Variants in RIMS1 observed in about 807,000 individuals in gnomAD.
RIMS1 encodes regulating synaptic membrane exocytosis 1.
RIMS1 carries 83 observed loss-of-function variants against 214.1 expected under a neutral mutation model. The ratio of observed to expected loss-of-function variants is 0.39; its 90% confidence interval spans 0.32 to 0.47. RIMS1 has a LOEUF of 0.47. Ranked by LOEUF, RIMS1 falls within the 20% of genes least tolerant of loss-of-function variation. The pLI, the probability that RIMS1 is intolerant of heterozygous loss-of-function variation, is 0.99. For synonymous variants in RIMS1, 793 were observed against 786.8 expected (o/e 1.01, Z -0.13); for missense variants, 2,050 against 2,161.8 (o/e 0.95, Z 1.03).
intron 2 of RIMS1, among the ~76,000 whole-genome samples, chr6:72,043,026 A>T (rs908444268): frequency 2.0e-5 from 3 of 151,834 alleles, no homozygotes; most frequent in African/African-American, 2.4e-5. Flanking sequence ...TATGAAAATG[A>T]ATTCCAACTT....
rs908385235 is a variant in RIMS1 at position 72,116,374 on chromosome 6, A to G, written c.471+16388A>G. On this transcript the variant is annotated intron_variant, in intron 4 of 33. Transcript: ENST00000521978. Reference sequence around the variant, plus strand: ...CTGAGTGGGGGTCAAGGTGTACAAAAACGAGATGAAAGAGAACTAGCTCAA... The same window carrying G: ...CTGAGTGGGGGTCAAGGTGTACAAAGACGAGATGAAAGAGAACTAGCTCAA... Among the ~76,000 whole-genome samples, 10 of 152,096 alleles carry G rather than the reference A, an allele frequency of 6.6e-5. No homozygotes were observed. In the South Asian group the frequency reaches 2.1e-3, roughly 32 times the overall value.
At chr6:72,105,828 C>A (rs9360528) in intron 4 of RIMS1, among the ~76,000 whole-genome samples, 42,199 of 152,012 alleles carry the variant, frequency 0.28, 6,772 homozygotes, top group Admixed American at 0.36. Flanking sequence ...CCCACCAAAC[C>A]TTTTAGTGCC....
intron 1 of RIMS1, among the ~76,000 whole-genome samples, chr6:71,929,748 C>T (rs1049614572): frequency 1.3e-4 from 20 of 151,938 alleles, no homozygotes; most frequent in African/African-American, 3.4e-4. Flanking sequence ...GTTGAGGCCG[C>T]GAAAGATATG....
intron 2 of RIMS1, among the ~76,000 whole-genome samples, chr6:72,056,111 G>T (rs1262420707): frequency 6.6e-6 from 1 of 151,902 alleles, no homozygotes; most frequent in African/African-American, 2.4e-5. Context: ...GCCCTTTGCA[G>T]CAACATGGAT....
At chr6:71,898,970 G>C (rs1772749510) in intron 1 of RIMS1, among the ~76,000 whole-genome samples, 2 of 151,712 alleles carry the variant, frequency 1.3e-5, no homozygotes. Flanking sequence ...GATACTATTT[G>C]TTATAGAAAA....
chr6:72,348,175 A>G (rs984685435), intron 29 of RIMS1, among the ~76,000 whole-genome samples: 3 of 151,914 alleles, frequency 2.0e-5, no homozygotes, highest in African/African-American at 7.2e-5. Context: ...AAATAAAAAC[A>G]TGTTTTTTAA....
intron 1 of RIMS1, among the ~76,000 whole-genome samples, chr6:71,920,486 A>G (rs1262481348): frequency 1.3e-5 from 2 of 149,392 alleles, no homozygotes; most frequent in Admixed American, 1.3e-4. Context: ...AAAAATGACC[A>G]AAAAAAATCC....
chr6:72,216,555 G>T, intron 6 of RIMS1: 6 of 985,470 alleles, frequency 6.1e-6, no homozygotes, highest in Non-Finnish European at 7.2e-6. Flanking sequence ...TCCTCAGTTA[G>T]GGAAACTGCA....
chr6:72,273,702 T>C (rs1273748988), intron 22 of RIMS1, among the ~76,000 whole-genome samples: 1 of 152,222 alleles, frequency 6.6e-6, no homozygotes, highest in Non-Finnish European at 1.5e-5. Context: ...TGTTCTTTGC[T>C]TTTATTTATC....
rs1331501786 is a variant in RIMS1, at chr6:72,248,107, G to A, written c.2221G>A (p.Val741Ile). The A allele has an allele frequency of 6.2e-7, 1 of 1,611,110 alleles. No homozygotes were observed. Among genetic ancestry groups the A allele is most frequent in the African/African-American group, 1.3e-5 (1 of 74,784 alleles). Residue 741 changes from valine (V) to isoleucine (I), a missense_variant, in exon 12 of 34, where the codon GTC (valine) becomes ATC (isoleucine). This residue lies in a region of RIMS1 where 111 missense variants were observed against 166.2 expected (regional missense o/e 0.67). Transcript: ENST00000521978. Reference protein sequence around the residue: ...SPGALKDAPQVLPGQLSVKLW... With the variant: ...SPGALKDAPQILPGQLSVKLW... ...TGGAGCTCTAAAAGATGCCCCACAA[G>A]TCTTACCAGGGCAACTTTCTGTATG...
chr6:72,055,305 T>G (rs1033147622), intron 2 of RIMS1, among the ~76,000 whole-genome samples: 3 of 152,188 alleles, frequency 2.0e-5, no homozygotes, highest in Admixed American at 1.3e-4. Flanking sequence ...TATATATTAT[T>G]ATATTTATTT....
At chr6:72,370,012 G>A (rs2098165686) in intron 29 of RIMS1, among the ~76,000 whole-genome samples, 1 of 152,078 alleles carries the variant, frequency 6.6e-6, no homozygotes, top group Admixed American at 6.5e-5. Flanking sequence ...ATTTTTAAGG[G>A]GCAGAAGAAA....
intron 2 of RIMS1, among the ~76,000 whole-genome samples, chr6:72,078,733 C>T (rs1298305714): frequency 1.3e-5 from 2 of 152,040 alleles, no homozygotes; most frequent in Non-Finnish European, 2.9e-5. Flanking sequence ...ATTTTCTCAG[C>T]ATCTGAACCA....
chr6:72,012,083 A>G (rs1307871563), intron 2 of RIMS1, among the ~76,000 whole-genome samples: 1 of 152,222 alleles, frequency 6.6e-6, no homozygotes, highest in Non-Finnish European at 1.5e-5. Context: ...TCCAACCCAA[A>G]TGTCCAACAA....
chr6:72,020,053 CACA>C (rs1814123994), intron 2 of RIMS1, among the ~76,000 whole-genome samples: 1 of 152,172 alleles, frequency 6.6e-6, no homozygotes, highest in South Asian at 2.1e-4. Context: ...CTGTCACTTC[CACA>C]ACAAGTCACT....
At chr6:72,093,319 T>C (rs1424746100) in intron 2 of RIMS1, among the ~76,000 whole-genome samples, 1 of 150,804 alleles carries the variant, frequency 6.6e-6, no homozygotes, top group Non-Finnish European at 1.5e-5. Flanking sequence ...GTAAGTTTAA[T>C]CTACTGGATA....
intron 29 of RIMS1, among the ~76,000 whole-genome samples, chr6:72,359,001 T>C (rs1308789416): frequency 6.6e-6 from 1 of 152,226 alleles, no homozygotes; most frequent in African/African-American, 2.4e-5. Context: ...TTTAATCTCC[T>C]ATTTATTGTG....
chr6:71,930,353 G>A (rs944317252), intron 1 of RIMS1, among the ~76,000 whole-genome samples: 1 of 151,900 alleles, frequency 6.6e-6, no homozygotes, highest in Non-Finnish European at 1.5e-5. Flanking sequence ...TAACAGACAT[G>A]ATAAACAATA....
chr6:71,913,890 A>T (rs930474203), intron 1 of RIMS1, among the ~76,000 whole-genome samples: 1 of 152,128 alleles, frequency 6.6e-6, no homozygotes, highest in African/African-American at 2.4e-5. Context: ...CAACTCAGGT[A>T]TGGTAGAAAG....
Sources: gnomAD v4.1 joint callset for allele counts (sites outside exome capture counted in the v4.1 genomes callset) on GRCh38, gnomAD v4.1.1 for gene constraint, gnomAD v4.1.1 regional missense constraint, MANE v1.5 for transcripts, NCBI Gene and HGNC (gene_info 2026-07-23, HGNC 2026-07-21) for gene names.